The following ZMYM1 variants were observed in gnomAD, a reference collection of about 807,000 sequenced individuals.
The protein encoded by ZMYM1 is zinc finger MYM-type containing 1.
Under a neutral mutation model 60.0 loss-of-function variants are expected in ZMYM1, and 39 were observed. That is an observed-to-expected ratio of 0.65 (90% CI 0.50 to 0.85). ZMYM1 has a LOEUF of 0.85. ZMYM1 is among the 40% of genes least tolerant of loss of function. The pLI is 0.00. For synonymous variants in ZMYM1, 413 were observed against 454.0 expected (o/e 0.91, Z 1.15); for missense variants, 1,171 against 1,309.5 (o/e 0.89, Z 1.63).
rs547283124 is a variant in ZMYM1 at position 35,101,462 on chromosome 1, A to G, written c.420-2833A>G. ...GATTCTTAGAAGCCAGCAATCTAGTATGCTGATAGCAATAAAAACTAAGAA... is the reference window on the plus strand; with the variant it reads ...GATTCTTAGAAGCCAGCAATCTAGTGTGCTGATAGCAATAAAAACTAAGAA... On this transcript the variant is annotated intron_variant, in intron 4 of 9. Transcript: ENST00000359858. Among the ~76,000 whole-genome samples the G allele has an allele frequency of 8.8e-4, 131 of 148,190 alleles. 1 individual carries two copies. Among genetic ancestry groups the G allele is most frequent in the Non-Finnish European group, 5.6e-4 (38 of 67,328 alleles).
At position 35,114,798 on chromosome 1, in the gene ZMYM1, A is replaced by G; in HGVS notation, c.2968A>G (p.Lys990Glu). Residue 990 changes from lysine to glutamate, a missense_variant, in exon 10 of 10, where the codon AAA becomes GAA. Transcript: ENST00000359858. ...ATGTTTTTCGGAGTTTGATTATTGC[A>G]AAATAAAGCAAATTTCAGAACTGTT... ...KLCFSEFDYC[K>E]IKQISELLFK... is the part of the protein sequence containing the mutation. The G allele has an allele frequency of 6.2e-7, 1 of 1,606,582 alleles. No homozygotes were observed. Among genetic ancestry groups the G allele is most frequent in the Non-Finnish European group, 8.5e-7 (1 of 1,176,314 alleles).
chr1:35,090,078 T>A (rs761892484), intron 1 of ZMYM1, among the ~76,000 whole-genome samples: 3 of 151,994 alleles, frequency 2.0e-5, no homozygotes, highest in Non-Finnish European at 4.4e-5. Context: ...GCTAATTTTT[T>A]TGTATTTTTA....
At chr1:35,088,009 G>A (rs1642749800) in intron 1 of ZMYM1, among the ~76,000 whole-genome samples, 1 of 152,086 alleles carries the variant, frequency 6.6e-6, no homozygotes, top group African/African-American at 2.4e-5. Flanking sequence ...GCAGTGAGCT[G>A]AGATTATGTC....
chr1:35,080,830 A>C (rs1264095580), intron 1 of ZMYM1, among the ~76,000 whole-genome samples: 1 of 152,108 alleles, frequency 6.6e-6, no homozygotes, highest in African/African-American at 2.4e-5. Flanking sequence ...ATGGCTCTTC[A>C]TTGCCTGCAG....
Position 35,110,221 on chromosome 1 carries a change from T to C in ZMYM1, c.808-73T>C, listed in dbSNP as rs145555277. On this transcript the variant is annotated intron_variant, in intron 6 of 9. Transcript: ENST00000359858. Reference sequence around the variant, plus strand: ...TTTTTAATATTCCAACTAAAAGCAGTGGTAATAGGTTCTTCTTCATTAACA... The same window carrying C: ...TTTTTAATATTCCAACTAAAAGCAGCGGTAATAGGTTCTTCTTCATTAACA... 437 of 1,122,770 alleles carry C rather than the reference T, an allele frequency of 3.9e-4. 2 individuals are homozygous for C. In the East Asian group the frequency reaches 0.011, roughly 27 times the overall value. The allele number at this position is 1,122,770 out of a possible 1,614,324, so 69.6% of individuals were successfully genotyped here. A position where few individuals can be genotyped will look rare whatever the true frequency, so the allele number is the denominator to read the frequency against.
chr1:35,090,250 C>T (rs1557655262), intron 1 of ZMYM1, among the ~76,000 whole-genome samples: 1 of 151,922 alleles, frequency 6.6e-6, no homozygotes, highest in Non-Finnish European at 1.5e-5. Flanking sequence ...AAGACTTGCA[C>T]TCTGAAGCCA....
At chr1:35,067,665 G>A (rs1206925168) in intron 1 of ZMYM1, among the ~76,000 whole-genome samples, 1 of 151,788 alleles carries the variant, frequency 6.6e-6, no homozygotes, top group Admixed American at 6.6e-5. Context: ...ACCTGAAGTC[G>A]GGAATTCGAG....
At chr1:35,074,769 G>A (rs541434793), upstream of ZMYM1, among the ~76,000 whole-genome samples, 12 of 152,080 alleles carry the variant, frequency 7.9e-5, no homozygotes, top group South Asian at 6.2e-4. Context: ...TTGAAGTCCC[G>A]TACTGTTATT....
At chr1:35,061,551 C>T (rs1404339508) in intron 1 of ZMYM1, among the ~76,000 whole-genome samples, 1 of 151,878 alleles carries the variant, frequency 6.6e-6, no homozygotes, top group African/African-American at 2.4e-5. Flanking sequence ...CCGAGGCAGG[C>T]AGATCACAAG....
intron 4 of ZMYM1, among the ~76,000 whole-genome samples, chr1:35,100,553 C>T (rs566025684): frequency 3.3e-5 from 5 of 150,766 alleles, no homozygotes; most frequent in South Asian, 2.1e-4. Context: ...ACCCAGGAGA[C>T]GGAGGTTGCA....
At chr1:35,086,549 A>C (rs1020653662) in intron 1 of ZMYM1, among the ~76,000 whole-genome samples, 2 of 152,148 alleles carry the variant, frequency 1.3e-5, no homozygotes, top group Non-Finnish European at 2.9e-5. Flanking sequence ...AGTAAAAAAA[A>C]TAGTCTCTAT....
At position 35,110,154 on chromosome 1, in the gene ZMYM1, T is replaced by C. The variant is rs1644037091; in HGVS notation, c.808-140T>C. 3 of 541,980 alleles carry C rather than the reference T, an allele frequency of 5.5e-6. No individual in the cohort carries two copies. In the African/African-American group the frequency reaches 5.9e-5, roughly 11 times the overall value. The allele number at this position is 541,980 out of a possible 1,614,324, so 33.6% of individuals were successfully genotyped here. A position where few individuals can be genotyped will look rare whatever the true frequency, so the allele number is the denominator to read the frequency against. ...TTCTTTTAGTTATTGCAATCTGTAGTGTCTTTTTAAGAAAATGTAAAAACT... is the reference window on the plus strand; with the variant it reads ...TTCTTTTAGTTATTGCAATCTGTAGCGTCTTTTTAAGAAAATGTAAAAACT... On this transcript the variant is annotated intron_variant, in intron 6 of 9. Coordinates refer to ENST00000359858, the MANE Select transcript of ZMYM1 (RefSeq NM_024772.5).
At chr1:35,063,487 A>C (rs539942103) in intron 1 of ZMYM1, among the ~76,000 whole-genome samples, 4 of 152,044 alleles carry the variant, frequency 2.6e-5, no homozygotes, top group South Asian at 4.1e-4. Context: ...TTTTTTTTAG[A>C]GATGGGGTCT....
intron 2 of ZMYM1, 23 bp from the exon 3 acceptor site, chr1:35,095,793 AATT>A (rs746915255): frequency 1.5e-5 from 22 of 1,505,918 alleles, no homozygotes; most frequent in Admixed American, 2.0e-5. Context: ...CACTATTTTT[AATT>A]ATTATTTTTT....
chr1:35,111,958 T>C (rs759226649), intron 8 of ZMYM1, 46 bp downstream of exon 8: 2 of 1,560,630 alleles, frequency 1.3e-6, no homozygotes, highest in Admixed American at 3.9e-5. Flanking sequence ...TGTTTTGTCA[T>C]ACTTGATAAA....
intron 6 of ZMYM1, among the ~76,000 whole-genome samples, chr1:35,109,484 C>G (rs79531656): frequency 6.6e-6 from 1 of 152,264 alleles, no homozygotes; most frequent in East Asian, 1.9e-4. Context: ...TCTATACTTT[C>G]TATTGCTTGT....
Position 35,114,659 on chromosome 1 carries a change from A to G in ZMYM1, c.2829A>G (p.Lys943=). Residue 943 remains lysine, a synonymous_variant, in exon 10 of 10, where the codon AAA becomes AAG. Coordinates refer to ENST00000359858, the MANE Select transcript of ZMYM1 (RefSeq NM_024772.5). ...TTCAGAAAAGAAGAAAAATTCAGAA[A>G]TCAGTAGATCTTGGCAATTCAGATA... ...PSLQKRRKIQ[K]SVDLGNSDNM... The G allele has an allele frequency of 6.3e-7, 1 of 1,595,666 alleles. No homozygotes were observed. The highest frequency in any genetic ancestry group is 8.5e-7 in the Non-Finnish European group (1 of 1,175,290).
At chr1:35,102,514 G>C (rs1273663857) in intron 4 of ZMYM1, among the ~76,000 whole-genome samples, 1 of 152,174 alleles carries the variant, frequency 6.6e-6, no homozygotes, top group Non-Finnish European at 1.5e-5. Flanking sequence ...CGATCAAGTT[G>C]AAGTTGGAAG....
chr1:35,117,945 AAGAG>A (rs748916626), downstream of ZMYM1, among the ~76,000 whole-genome samples: 14 of 151,952 alleles, frequency 9.2e-5, no homozygotes, highest in African/African-American at 3.1e-4. Context: ...CGTTTCAAAA[AAGAG>A]AGAAAATAGG....
Sources: allele counts gnomAD v4.1 joint callset (sites outside exome capture counted in the v4.1 genomes callset), GRCh38; gene constraint gnomAD v4.1.1; transcripts MANE v1.5; gene names NCBI Gene and HGNC (gene_info 2026-07-23, HGNC 2026-07-21).